SMAD2: variants seen among roughly 807,000 people sequenced by gnomAD.
The protein encoded by SMAD2 is SMAD family member 2, also known as MAD homolog 2.
A neutral mutation model predicts 64.4 loss-of-function variants in SMAD2; 8 were observed. The ratio of observed to expected loss-of-function variants is 0.12; its 90% CI spans 0.07 to 0.22. The LOEUF (loss-of-function observed/expected upper bound fraction) is 0.22. Ranked by LOEUF, SMAD2 falls within the 10% of genes least tolerant of loss-of-function variation. The probability of loss-of-function intolerance (pLI) is 1.00; values close to 1 mark genes in which losing one functional copy is unlikely to be tolerated. For missense variants in SMAD2, 289 were observed against 561.2 expected (o/e 0.51, Z 4.90); for synonymous variants, 203 against 195.8 (o/e 1.04, Z -0.31).
chr18:47,839,381 G>A lies in SMAD2; in HGVS notation c.*2446C>T. On this transcript the variant is annotated 3_prime_UTR_variant, in exon 11 of 11. Transcript: ENST00000262160. ...CAAGTTCTCAAGTAAGAAAAAGAAGGGCAGAGGCTCCACTGAGTATCTCCT... is the reference window on the plus strand; with the variant it reads ...CAAGTTCTCAAGTAAGAAAAAGAAGAGCAGAGGCTCCACTGAGTATCTCCT... 4.3e-6 allele frequency: 1 copy of A among 233,236 alleles called. No individual in the cohort carries two copies. Among genetic ancestry groups the A allele is most frequent in the Non-Finnish European group, 8.5e-6 (1 of 118,010 alleles). 14.4% of individuals were successfully genotyped at this position (233,236 alleles called of 1,614,324 possible).
At position 47,848,125 on chromosome 18, in the gene SMAD2, C is replaced by G. The variant is rs376612222; in HGVS notation, c.997+350G>C. Among the ~76,000 whole-genome samples the G allele has an allele frequency of 2.2e-4, 33 of 151,400 alleles. 2 individuals are homozygous for G. In the South Asian group the frequency reaches 6.5e-3, roughly 30 times the overall value. ...TAAAGAAACTGAAAAAAAACAAAAA[C>G]AAAACAAAACAAAAAAACATGATTT... is the stretch of plus-strand genomic sequence containing the variant. On this transcript the variant is annotated intron_variant, in intron 8 of 10. Coordinates refer to ENST00000262160, the MANE Select transcript of SMAD2 (RefSeq NM_005901.6).
At chr18:47,889,767 T>A (rs551435544) in intron 2 of SMAD2, among the ~76,000 whole-genome samples, 17 of 142,462 alleles carry the variant, frequency 1.2e-4, no homozygotes, top group Non-Finnish European at 2.3e-4. Context: ...CGAGACTCCA[T>A]CTCAAAAAAA....
At chr18:47,897,272 G>T (rs897063291) in intron 1 of SMAD2, among the ~76,000 whole-genome samples, 1 of 152,186 alleles carries the variant, frequency 6.6e-6, no homozygotes, top group Non-Finnish European at 1.5e-5. Flanking sequence ...TACAAGAAGG[G>T]AAAATGCGTA....
chr18:47,900,232 C>A lies in SMAD2; in HGVS notation c.-53-3423G>T, dbSNP rs144086227. 2.5e-3 allele frequency among the ~76,000 whole-genome samples: 380 copies of A among 152,184 alleles called. 1 individual carries two copies. The highest frequency in any genetic ancestry group is 8.3e-3 in the African/African-American group (346 of 41,514). The stretch of plus-strand genomic sequence containing the variant: ...AATCAATATAAAAAAAATTTTCATA[C>A]TAAGTCTACAAAATCTGTTGAGTAC... On this transcript the variant is annotated intron_variant, in intron 1 of 10. Transcript: ENST00000262160.
intron 2 of SMAD2, chr18:47,895,247 T>A (rs7231538): frequency 0.54 from 81,373 of 152,022 alleles, 22,385 homozygotes; most frequent in East Asian, 0.82. Flanking sequence ...CTTTTAAATA[T>A]TCTAATACAA....
rs1362182795 is a variant in SMAD2 at position 47,838,714 on chromosome 18, C to T, written c.*3113G>A. The T allele has an allele frequency of 4.3e-6, 1 of 232,518 alleles. No individual in the cohort carries two copies. Among genetic ancestry groups the T allele is most frequent in the East Asian group, 6.0e-5 (1 of 16,598 alleles). The allele number at this position is 232,518 out of a possible 1,614,324, so 14.4% of individuals were successfully genotyped here. On this transcript the variant is annotated 3_prime_UTR_variant, in exon 11 of 11. Coordinates refer to ENST00000262160, the MANE Select transcript of SMAD2 (RefSeq NM_005901.6). ...GCAATGAAACTCTTTCCAAAAGAAACCCCATGCAGTTCTTCAGTACAGAAT... is the reference window on the plus strand; with the variant it reads ...GCAATGAAACTCTTTCCAAAAGAAATCCCATGCAGTTCTTCAGTACAGAAT...
At chr18:47,865,274 C>A in intron 5 of SMAD2, 141 bp from the exon 6 acceptor site, 1 of 597,602 alleles carries the variant, frequency 1.7e-6, no homozygotes, top group Non-Finnish European at 3.0e-6. Context: ...ATATTGCATA[C>A]TGAGGGTGTA....
chr18:47,865,567 A>G (rs2031495384), intron 5 of SMAD2, among the ~76,000 whole-genome samples: 1 of 152,238 alleles, frequency 6.6e-6, no homozygotes, highest in African/African-American at 2.4e-5. Context: ...ATTTTGGATT[A>G]TAAAAGTATT....
In SMAD2 at chr18:47,836,618, T is replaced by C. The variant is rs936516176; in HGVS notation, c.*5209A>G. 6 of 213,660 alleles carry C rather than the reference T, an allele frequency of 2.8e-5. No homozygotes were observed. The highest frequency in any genetic ancestry group is 9.1e-5 in the African/African-American group (4 of 44,192). The allele number at this position is 213,660 out of a possible 1,614,324, so 13.2% of individuals were successfully genotyped here. ...GTTTGTCTATGAGTGTATATGTATA[T>C]ATAAATTCATACACATATATTATTT... On this transcript the variant is annotated 3_prime_UTR_variant, in exon 11 of 11. Coordinates refer to ENST00000262160, the MANE Select transcript of SMAD2 (RefSeq NM_005901.6).
chr18:47,895,439 AAATTAT>A (rs980620011), intron 2 of SMAD2: 1 of 152,198 alleles, frequency 6.6e-6, no homozygotes, highest in African/African-American at 2.4e-5. Context: ...TTACCATATC[AAATTAT>A]AATTAATTTG....
At chr18:47,897,058 C>CAGAT (rs1173580859) in intron 1 of SMAD2, among the ~76,000 whole-genome samples, 1 of 152,142 alleles carries the variant, frequency 6.6e-6, no homozygotes, top group Non-Finnish European at 1.5e-5. Context: ...CAAGTAAAAT[C>CAGAT]AGATACTTTT....
chr18:47,886,810 C>T (rs1331907898), intron 2 of SMAD2: 1 of 162,934 alleles, frequency 6.1e-6, no homozygotes, highest in Admixed American at 6.5e-5. Context: ...AGAGTAAAGA[C>T]TAACCTACCG....
rs1733666833 is a variant in SMAD2 at position 47,839,051 on chromosome 18, T to C, written c.*2776A>G. ...AAAAAAAAAATCAGGCCACAGTAGA[T>C]AAAATACAAAAAACATCATCTCGTT... On this transcript the variant is annotated 3_prime_UTR_variant, in exon 11 of 11. Transcript: ENST00000262160. 1 of 232,696 alleles carries C rather than the reference T, an allele frequency of 4.3e-6. No individual in the cohort carries two copies. Among genetic ancestry groups the C allele is most frequent in the Non-Finnish European group, 8.5e-6 (1 of 117,862 alleles). The allele number at this position is 232,696 out of a possible 1,614,324, so 14.4% of individuals were successfully genotyped here. A position where few individuals can be genotyped will look rare whatever the true frequency, so the allele number is the denominator to read the frequency against.
chr18:47,927,516 T>C (rs2034813303), intron 1 of SMAD2, among the ~76,000 whole-genome samples: 1 of 152,250 alleles, frequency 6.6e-6, no homozygotes, highest in Admixed American at 6.5e-5. Context: ...GGTGTACTTG[T>C]TTGCTGTTAA....
chr18:47,926,245 G>A (rs982283177), intron 1 of SMAD2, among the ~76,000 whole-genome samples: 1 of 152,140 alleles, frequency 6.6e-6, no homozygotes, highest in African/African-American at 2.4e-5. Flanking sequence ...ACCCCTTTAA[G>A]AACATTTCTT....
intron 1 of SMAD2, among the ~76,000 whole-genome samples, chr18:47,902,450 T>G (rs2033721858): frequency 6.6e-6 from 1 of 152,206 alleles, no homozygotes; most frequent in African/African-American, 2.4e-5. Flanking sequence ...TGAGTTGAAA[T>G]AATTTGTTGA....
chr18:47,858,460 C>T (rs937825722), intron 6 of SMAD2, among the ~76,000 whole-genome samples: 3 of 151,988 alleles, frequency 2.0e-5, no homozygotes, highest in Non-Finnish European at 4.4e-5. Flanking sequence ...TAAAAAGCAG[C>T]AAAAAGGAGC....
At chr18:47,885,132 T>TACACACACACACACACACAC (rs57342899) in intron 2 of SMAD2, among the ~76,000 whole-genome samples, 2 of 142,080 alleles carry the variant, frequency 1.4e-5, no homozygotes, top group African/African-American at 5.3e-5. Context: ...TTTAGTCATA[T>TACACACACACACACACACAC]ACACACACAC....
chr18:47,894,598 C>A (rs1043610136), intron 2 of SMAD2, among the ~76,000 whole-genome samples: 1 of 152,202 alleles, frequency 6.6e-6, no homozygotes, highest in Non-Finnish European at 1.5e-5. Flanking sequence ...CTAATTCCTC[C>A]TTTACCCCGC....
Sources: gnomAD v4.1 joint callset for allele counts (sites outside exome capture counted in the v4.1 genomes callset) on GRCh38, gnomAD v4.1.1 for gene constraint, MANE v1.5 for transcripts, NCBI Gene and HGNC (gene_info 2026-07-23, HGNC 2026-07-21) for gene names.